PLB1: variants seen among roughly 807,000 people sequenced by gnomAD.
PLB1 encodes the protein phospholipase B1.
A neutral mutation model predicts 227.4 loss-of-function variants in PLB1; 242 were observed. That is an observed-to-expected ratio of 1.06 (90% CI 0.96 to 1.18). The LOEUF (loss-of-function observed/expected upper bound fraction) is 1.18, where lower values mean the gene tolerates loss of function less well. PLB1 is among the 50% of genes most tolerant of loss of function. The pLI, the probability that PLB1 is intolerant of heterozygous loss-of-function variation, is 0.00. For synonymous variants in PLB1, 757 were observed against 682.2 expected (o/e 1.11, Z -1.71); for missense variants, 1,858 against 1,816.3 (o/e 1.02, Z -0.42).
chr2:28,556,255 G>T (rs747122175), intron 17 of PLB1, among the ~76,000 whole-genome samples: 14 of 152,192 alleles, frequency 9.2e-5, no homozygotes, highest in Non-Finnish European at 1.0e-4. Flanking sequence ...CATTAAAAGT[G>T]ATGTTTCAAA....
intron 40 of PLB1, among the ~76,000 whole-genome samples, chr2:28,604,384 A>T (rs1027075288): frequency 7.2e-5 from 11 of 152,144 alleles, no homozygotes; most frequent in Admixed American, 1.3e-4. Context: ...GAGCCTCTGG[A>T]GGTTCTTCCC....
chr2:28,549,567 C>T (rs1673891636), intron 15 of PLB1, among the ~76,000 whole-genome samples: 1 of 151,946 alleles, frequency 6.6e-6, no homozygotes, highest in Non-Finnish European at 1.5e-5. Context: ...AGGCACGTGC[C>T]ACCACACCCA....
chr2:28,513,715 G>A (rs11885873), intron 1 of PLB1, among the ~76,000 whole-genome samples: 34,900 of 152,140 alleles, frequency 0.23, 4,587 homozygotes, highest in East Asian at 0.66. Flanking sequence ...AACAGAATGC[G>A]GGAGTGCAGC....
chr2:28,501,728 C>T (rs1371448854), intron 1 of PLB1, among the ~76,000 whole-genome samples: 2 of 152,090 alleles, frequency 1.3e-5, no homozygotes, highest in Non-Finnish European at 2.9e-5. Context: ...AGATAACCTA[C>T]TATACATGTT....
At chr2:28,501,052 T>C (rs1427262567) in intron 1 of PLB1, among the ~76,000 whole-genome samples, 1 of 152,240 alleles carries the variant, frequency 6.6e-6, no homozygotes. Context: ...TAGGAATGTT[T>C]GTTGATGCTG....
intron 38 of PLB1, among the ~76,000 whole-genome samples, chr2:28,602,603 G>T (rs1030395554): frequency 6.6e-6 from 1 of 152,238 alleles, no homozygotes; most frequent in Non-Finnish European, 1.5e-5. Context: ...ACTCCAGGAG[G>T]TGCCATTGCC....
At chr2:28,537,384 A>G (rs560305205) in intron 9 of PLB1, among the ~76,000 whole-genome samples, 6 of 152,118 alleles carry the variant, frequency 3.9e-5, no homozygotes, top group African/African-American at 1.4e-4. Flanking sequence ...AATTTTTATT[A>G]TTTTTCACAT....
At position 28,629,099 on chromosome 2, in the gene PLB1, A is replaced by G; in HGVS notation, c.3732A>G (p.Pro1244=). The part of the protein sequence containing the change: ...QALDILSEEL[P]RAFVNVVEVM... Reference sequence around the variant, plus strand: ...CCACCCTCCACTCCCTGCAGCTCCCAAGGGCTTTCGTCAACGTGGTGGAGG... The same window carrying G: ...CCACCCTCCACTCCCTGCAGCTCCCGAGGGCTTTCGTCAACGTGGTGGAGG... The change falls in exon 53 of 58, where the codon CCA becomes CCG. Residue 1244 remains proline (P), a synonymous_variant. Transcript: ENST00000327757. 6.2e-7 allele frequency: 1 copy of G among 1,613,522 alleles called. No homozygotes were observed. The highest frequency in any genetic ancestry group is 8.5e-7 in the Non-Finnish European group (1 of 1,179,722).
chr2:28,508,323 T>A (rs1667859808), intron 1 of PLB1, among the ~76,000 whole-genome samples: 2 of 152,088 alleles, frequency 1.3e-5, no homozygotes, highest in African/African-American at 4.8e-5. Flanking sequence ...CATTCAGAGG[T>A]CAACCCAGCT....
chr2:28,533,711 A>T (rs1289263428), intron 9 of PLB1, among the ~76,000 whole-genome samples: 1 of 152,224 alleles, frequency 6.6e-6, no homozygotes, highest in Non-Finnish European at 1.5e-5. Flanking sequence ...ATGATTTTTT[A>T]AAATGTATGA....
intron 41 of PLB1, 52 bp downstream of exon 41, chr2:28,604,811 G>A (rs1275992284): frequency 6.6e-7 from 1 of 1,516,806 alleles, no homozygotes; most frequent in Non-Finnish European, 9.1e-7. Flanking sequence ...GAAATGCAAG[G>A]CAGAATTGCC....
chr2:28,617,901 C>A, intron 45 of PLB1, 114 bp downstream of exon 45: 1 of 1,054,928 alleles, frequency 9.5e-7, no homozygotes, highest in Non-Finnish European at 1.5e-6. Context: ...AATTCCCCTG[C>A]AGTGCAGACC....
Position 28,617,726 on chromosome 2 carries a change from G to C in PLB1, c.3196-1G>C. 6.2e-6 allele frequency: 10 copies of C among 1,614,046 alleles called. No individual in the cohort carries two copies. The highest frequency in any genetic ancestry group is 8.5e-6 in the Non-Finnish European group (10 of 1,179,946). On this transcript the variant is annotated splice_acceptor_variant, in intron 44 of 57. Transcript: ENST00000327757. LOFTEE classifies it high-confidence loss of function. ...CTGAATCTTTTCTCCTGTTGATTTAGAACTGGGGCAGTGACTTCCTGTGTA... is the reference window on the plus strand; with the variant it reads ...CTGAATCTTTTCTCCTGTTGATTTACAACTGGGGCAGTGACTTCCTGTGTA...
intron 20 of PLB1, among the ~76,000 whole-genome samples, chr2:28,567,521 G>A (rs1271346013): frequency 1.4e-5 from 2 of 144,254 alleles, no homozygotes; most frequent in Non-Finnish European, 3.0e-5. Context: ...TGCCAGGCTG[G>A]AGTGCAGAGT....
chr2:28,610,335 G>C (rs1205821779), intron 43 of PLB1, among the ~76,000 whole-genome samples: 1 of 150,924 alleles, frequency 6.6e-6, no homozygotes, highest in Non-Finnish European at 1.5e-5. Flanking sequence ...TTAATTAATA[G>C]TGATGGGGTC....
intron 20 of PLB1, among the ~76,000 whole-genome samples, chr2:28,571,083 A>T (rs1213508521): frequency 6.6e-6 from 1 of 152,220 alleles, no homozygotes; most frequent in African/African-American, 2.4e-5. Context: ...TATAGAGACA[A>T]TCCCAAGAAA....
chr2:28,590,130 C>T (rs1681649184), intron 29 of PLB1, 54 bp downstream of exon 29: 3 of 1,457,852 alleles, frequency 2.1e-6, no homozygotes, highest in Non-Finnish European at 2.9e-6. Flanking sequence ...CTTCTTGGCT[C>T]ATTTCATCCT....
intron 9 of PLB1, among the ~76,000 whole-genome samples, chr2:28,537,658 CAAAAAAAAAAAAA>C (rs771254945): frequency 1.8e-5 from 1 of 56,232 alleles, no homozygotes; most frequent in African/African-American, 6.4e-5. Flanking sequence ...GACTCCATCT[CAAAAAAAAAAAAA>C]AAAAAAAAAA....
At chr2:28,637,806 C>T (rs978818341) in intron 56 of PLB1, among the ~76,000 whole-genome samples, 1 of 152,192 alleles carries the variant, frequency 6.6e-6, no homozygotes, top group Admixed American at 6.5e-5. Context: ...CAGGTGCCAC[C>T]TCCTGCAGGA....
Sources: allele counts gnomAD v4.1 joint callset (sites outside exome capture counted in the v4.1 genomes callset), GRCh38; gene constraint gnomAD v4.1.1; transcripts MANE v1.5; gene names NCBI Gene and HGNC (gene_info 2026-07-23, HGNC 2026-07-21).